WDR27: variants seen among roughly 807,000 people sequenced by gnomAD.
WDR27 encodes the protein WD repeat domain 27.
In WDR27, 100 loss-of-function variants were observed where a neutral mutation model predicts 114.4. That is an observed-to-expected ratio of 0.87 (90% CI 0.74 to 1.03). WDR27 has a LOEUF of 1.03. Ranked by LOEUF, WDR27 falls within the 50% of genes least tolerant of loss-of-function variation. WDR27 has a pLI of 0.00. For missense variants in WDR27, 1,129 were observed against 1,092.9 expected, an observed-to-expected ratio of 1.03 and a Z score of -0.47; for synonymous variants, 449 against 423.1, an observed-to-expected ratio of 1.06 and a Z score of -0.75.
chr6:169,633,490 C>G (rs1431386470), intron 20 of WDR27, among the ~76,000 whole-genome samples: 1 of 152,228 alleles, frequency 6.6e-6, no homozygotes. Flanking sequence ...CTGGGGCAGG[C>G]TTCACGATGG....
Position 169,650,330 on chromosome 6 carries a change from C to T in WDR27, c.1482-1055G>A, listed in dbSNP as rs373386298. 1.4e-4 allele frequency among the ~76,000 whole-genome samples: 21 copies of T among 145,692 alleles called. No individual in the cohort carries two copies. In the South Asian group the frequency reaches 2.5e-3, roughly 17 times the overall value. On this transcript the variant is annotated intron_variant, in intron 14 of 25. Transcript: ENST00000448612. ...CCTCCATCCCCTCCATCCACCCACC[C>T]ACTCATCCATCCCTCATCTCTGCAT... is the stretch of plus-strand genomic sequence containing the variant.
At chr6:169,443,241 C>G in the WDR27 span, among the ~76,000 whole-genome samples, 3 of 152,308 alleles carry the variant, frequency 2.0e-5, no homozygotes. Flanking sequence ...GTGCCGTCAC[C>G]CAAGCTCAGC....
intron 18 of WDR27, among the ~76,000 whole-genome samples, chr6:169,636,751 G>A (rs1421288483): frequency 2.0e-5 from 3 of 152,126 alleles, no homozygotes; most frequent in Non-Finnish European, 2.9e-5. Flanking sequence ...AAAGAAAATC[G>A]AAACTTAGCA....
In WDR27 at chr6:169,491,497, T is replaced by C. The variant is rs139478032; in HGVS notation, c.2646-33863A>G. Among the ~76,000 whole-genome samples, 168 of 151,910 alleles carry C rather than the reference T, an allele frequency of 1.1e-3. 5 individuals are homozygous for C. The East Asian group carries it at 0.032, about 29-fold the overall frequency. On this transcript the variant is annotated intron_variant, in intron 25 of 25. Transcript: ENST00000448612. The stretch of plus-strand genomic sequence containing the variant: ...CTCTTTATTTCATATATATAGAAAT[T>C]ATATATAAAATATAAGAGAAGAAAT...
intron 23 of WDR27, among the ~76,000 whole-genome samples, chr6:169,586,208 G>A (rs1311676840): frequency 6.6e-6 from 1 of 152,100 alleles, no homozygotes; most frequent in African/African-American, 2.4e-5. Context: ...CCATATCCAC[G>A]ATCTCTTTCA....
intron 25 of WDR27, among the ~76,000 whole-genome samples, chr6:169,532,802 C>T (rs1795752768): frequency 6.6e-6 from 1 of 150,928 alleles, no homozygotes; most frequent in South Asian, 2.1e-4. Flanking sequence ...TAATCTAGAC[C>T]CCAAAAACAG....
At chr6:169,481,441 A>T (rs746225809) in intron 25 of WDR27, among the ~76,000 whole-genome samples, 16 of 152,230 alleles carry the variant, frequency 1.1e-4, no homozygotes, top group Non-Finnish European at 2.1e-4. Context: ...AACAGCAGCA[A>T]CCTGCTCGGG....
At chr6:169,577,582 G>C (rs1408272687) in intron 24 of WDR27, among the ~76,000 whole-genome samples, 4 of 152,314 alleles carry the variant, frequency 2.6e-5, no homozygotes, top group Admixed American at 2.6e-4. Flanking sequence ...GCAGGACGAC[G>C]GCGCCTCCGG....
chr6:169,466,900 C>G (rs111395770), intron 25 of WDR27, among the ~76,000 whole-genome samples: 4,658 of 152,274 alleles, frequency 0.031, 218 homozygotes, highest in African/African-American at 0.1. Flanking sequence ...CTGAGACAAG[C>G]CAAGTCCCTT....
At chr6:169,456,150 C>G (rs1488905176), downstream of WDR27, among the ~76,000 whole-genome samples, 2 of 151,976 alleles carry the variant, frequency 1.3e-5, no homozygotes, top group Non-Finnish European at 2.9e-5. The surrounding 1 kb of genome is among the most constrained non-coding windows in gnomAD (Gnocchi z 4.0). Flanking sequence ...CAAGGGGAAA[C>G]AATATATTTT....
chr6:169,629,910 A>G (rs1584727591), intron 21 of WDR27, among the ~76,000 whole-genome samples: 1 of 149,384 alleles, frequency 6.7e-6, no homozygotes, highest in African/African-American at 2.5e-5. Flanking sequence ...CTGGGCGACA[A>G]GAGCGAAACT....
At chr6:169,535,425 A>C (rs1796097258) in intron 25 of WDR27, among the ~76,000 whole-genome samples, 1 of 152,230 alleles carries the variant, frequency 6.6e-6, no homozygotes, top group Non-Finnish European at 1.5e-5. Flanking sequence ...TTGGAGCCAC[A>C]CAGGAATACC....
intron 23 of WDR27, among the ~76,000 whole-genome samples, chr6:169,594,058 T>A (rs1806299653): frequency 6.6e-6 from 1 of 152,224 alleles, no homozygotes. Flanking sequence ...ACGTCTGTGA[T>A]ATAGGTATTT....
intron 25 of WDR27, among the ~76,000 whole-genome samples, chr6:169,524,512 A>G (rs1794738334): frequency 6.6e-6 from 1 of 152,164 alleles, no homozygotes; most frequent in Non-Finnish European, 1.5e-5. Flanking sequence ...AAGGTGTCAC[A>G]CTCACCTGAC....
At position 169,510,655 on chromosome 6, in the gene WDR27, T is replaced by C. The variant is rs1406269560; in HGVS notation, c.2646-53021A>G. Among the ~76,000 whole-genome samples the C allele has an allele frequency of 1.3e-4, 19 of 147,628 alleles. 1 individual carries two copies. Among genetic ancestry groups the C allele is most frequent in the Admixed American group, 2.0e-4 (3 of 14,864 alleles). On this transcript the variant is annotated intron_variant, in intron 25 of 25. Transcript: ENST00000448612. ...GTGGGGTGGGGGGAGGGGGGAAGGA[T>C]AGCATTAGGAGATATACCTAATGCT...
the WDR27 span, among the ~76,000 whole-genome samples, chr6:169,431,678 G>C: frequency 6.6e-6 from 1 of 152,020 alleles, no homozygotes; most frequent in Non-Finnish European, 1.5e-5. Context: ...TTGTGCATTT[G>C]ATATTAAACT....
intron 25 of WDR27, among the ~76,000 whole-genome samples, chr6:169,458,842 C>A (rs924637653): frequency 2.0e-5 from 3 of 150,704 alleles, no homozygotes; most frequent in African/African-American, 7.3e-5. Flanking sequence ...ACTGTGCATA[C>A]CACAGGAAAG....
chr6:169,682,794 T>G (rs1781871078), intron 2 of WDR27, among the ~76,000 whole-genome samples: 1 of 152,066 alleles, frequency 6.6e-6, no homozygotes, highest in Non-Finnish European at 1.5e-5. Context: ...TCATTCAAAA[T>G]AGCTGTTTTA....
intron 25 of WDR27, among the ~76,000 whole-genome samples, chr6:169,522,999 A>C (rs1339487302): frequency 6.6e-6 from 1 of 151,964 alleles, no homozygotes; most frequent in African/African-American, 2.4e-5. Flanking sequence ...AAAAAGCAAT[A>C]AAGAAAATCA....
Sources: gnomAD v4.1 joint callset for allele counts (sites outside exome capture counted in the v4.1 genomes callset) on GRCh38, gnomAD v4.1.1 for gene constraint, Gnocchi (gnomAD v3.1) non-coding constraint, MANE v1.5 for transcripts, NCBI Gene and HGNC (gene_info 2026-07-23, HGNC 2026-07-21) for gene names.